Variants in CPLANE1 observed in about 807,000 individuals in gnomAD.
CPLANE1 encodes ciliogenesis and planar polarity effector complex subunit 1, also known as ciliogenesis and planar polarity effector 1.
CPLANE1 carries 263 observed loss-of-function variants against 362.5 expected under a neutral mutation model. That is an observed-to-expected ratio of 0.73 (90% confidence interval 0.66 to 0.80). The LOEUF (loss-of-function observed/expected upper bound fraction) is 0.80. CPLANE1 is among the 30% of genes least tolerant of loss of function. The pLI is 0.00. For synonymous variants in CPLANE1, 1,212 were observed against 1,302.6 expected, an observed-to-expected ratio of 0.93 and a Z score of 1.50; for missense variants, 3,461 against 3,793.4, an observed-to-expected ratio of 0.91 and a Z score of 2.30.
At chr5:37,099,696 A>G in the CPLANE1 span, among the ~76,000 whole-genome samples, 1 of 152,160 alleles carries the variant, frequency 6.6e-6, no homozygotes, top group African/African-American at 2.4e-5. Context: ...TTCTACCTCT[A>G]TCTCTTTGAG....
chr5:37,127,025 G>A (rs1297746030), intron 46 of CPLANE1, among the ~76,000 whole-genome samples: 2 of 152,076 alleles, frequency 1.3e-5, no homozygotes, highest in Non-Finnish European at 2.9e-5. Context: ...AAAACCCCAG[G>A]CACTGAATTT....
At chr5:37,175,854 T>C (rs546797267) in intron 31 of CPLANE1, 55 bp downstream of exon 31, 18 of 1,230,554 alleles carry the variant, frequency 1.5e-5, no homozygotes, top group Admixed American at 9.3e-5. Context: ...ACTTTCACTC[T>C]GTGATTTGTA....
intron 52 of CPLANE1, 37 bp downstream of exon 52, chr5:37,108,256 C>T (rs761727770): frequency 1.3e-6 from 2 of 1,559,386 alleles, no homozygotes; most frequent in Admixed American, 1.8e-5. Flanking sequence ...GAACATAGAG[C>T]AATCACTAGA....
chr5:37,107,800 T>A (rs563121957), intron 52 of CPLANE1, 22 bp from the exon 53 acceptor site: 8 of 1,574,436 alleles, frequency 5.1e-6, no homozygotes, highest in East Asian at 4.6e-5. Context: ...AAAAGACAAT[T>A]GTGGTCCTAG....
At chr5:37,091,681 T>C in the CPLANE1 span, among the ~76,000 whole-genome samples, 1 of 152,196 alleles carries the variant, frequency 6.6e-6, no homozygotes, top group Admixed American at 6.5e-5. Flanking sequence ...TGCAGTTTTA[T>C]GGAAAGATGT....
At chr5:37,212,425 T>C (rs561003453) in intron 16 of CPLANE1, 45 of 754,768 alleles carry the variant, frequency 6.0e-5, no homozygotes, top group African/African-American at 5.8e-4. Flanking sequence ...CATGAGAAAT[T>C]ACATAACATT....
intron 23 of CPLANE1, among the ~76,000 whole-genome samples, chr5:37,187,155 T>C (rs1007916444): frequency 4.0e-5 from 6 of 151,234 alleles, no homozygotes; most frequent in Non-Finnish European, 7.4e-5. Context: ...GGTTGTACCC[T>C]TTGACCAAGA....
intron 6 of CPLANE1, among the ~76,000 whole-genome samples, chr5:37,242,143 C>G (rs1157729004): frequency 6.6e-6 from 1 of 151,890 alleles, no homozygotes; most frequent in Non-Finnish European, 1.5e-5. Context: ...ATCACAAGGT[C>G]AGTAGTTCAA....
intron 34 of CPLANE1, among the ~76,000 whole-genome samples, chr5:37,168,453 G>T: frequency 6.8e-6 from 1 of 148,016 alleles, no homozygotes. Flanking sequence ...ATTTATGAAA[G>T]AGTCCAGTAA....
intron 7 of CPLANE1, 81 bp downstream of exon 7, chr5:37,239,632 G>T: frequency 2.2e-5 from 18 of 831,050 alleles, no homozygotes; most frequent in Non-Finnish European, 2.8e-5. Context: ...ATATAAAGGA[G>T]TATTTAGAAA....
chr5:37,199,333 G>A (rs1788503318), intron 19 of CPLANE1, among the ~76,000 whole-genome samples: 2 of 152,086 alleles, frequency 1.3e-5, no homozygotes, highest in African/African-American at 2.4e-5. Context: ...CCATTGGTGG[G>A]ATGTTACAGA....
At chr5:37,133,208 G>A (rs1766501136) in intron 46 of CPLANE1, among the ~76,000 whole-genome samples, 1 of 152,140 alleles carries the variant, frequency 6.6e-6, no homozygotes, top group Non-Finnish European at 1.5e-5. Context: ...GTAACATGAT[G>A]ACTCTGGCTT....
At chr5:37,101,124 G>A in the CPLANE1 span, among the ~76,000 whole-genome samples, 1 of 152,142 alleles carries the variant, frequency 6.6e-6, no homozygotes, top group Non-Finnish European at 1.5e-5. Context: ...TGATTTCCCT[G>A]GCCAGAATTT....
intron 16 of CPLANE1, chr5:37,211,263 A>T: frequency 6.7e-7 from 1 of 1,502,432 alleles, no homozygotes; most frequent in Non-Finnish European, 9.2e-7. Flanking sequence ...TACTAATGCA[A>T]GGGTCAAACA....
At position 37,106,956 on chromosome 5, in the gene CPLANE1, A is replaced by G; in HGVS notation, c.*646T>C. ...TACAAATTTAAGATGAGCCTTCTAGAGGCCGGAGTCATATTCCCTTACTTT... is the reference window on the plus strand; with the variant it reads ...TACAAATTTAAGATGAGCCTTCTAGGGGCCGGAGTCATATTCCCTTACTTT... On this transcript the variant is annotated 3_prime_UTR_variant, in exon 53 of 53. Transcript: ENST00000651892. 1 of 985,398 alleles carries G rather than the reference A, an allele frequency of 1.0e-6. No individual in the cohort carries two copies. The highest frequency in any genetic ancestry group is 1.2e-6 in the Non-Finnish European group (1 of 829,912). 61.0% of individuals were successfully genotyped at this position (985,398 alleles called of 1,614,324 possible). A position where few individuals can be genotyped will look rare whatever the true frequency, so the allele number is the denominator to read the frequency against.
the CPLANE1 span, among the ~76,000 whole-genome samples, chr5:37,090,703 A>C: frequency 7.0e-3 from 1,061 of 152,280 alleles, 9 homozygotes; most frequent in Non-Finnish European, 0.011. Context: ...CAATCACTCG[A>C]TCTGGGTTTA....
chr5:37,170,082 C>G lies in CPLANE1; in HGVS notation c.6421G>C (p.Gly2141Arg), dbSNP rs1365847311. The change falls in exon 33 of 53, where the codon GGA becomes CGA. Residue 2141 changes from glycine (G) to arginine (R), a missense_variant. Transcript: ENST00000651892. ...PRKNSPHCHE[G>R]TIPSGQNSTG... is the part of the protein sequence containing the mutation. ...CTATTTTGACCAGATGGGATAGTTC[C>G]TTCATGGCAGTGTGGGCTGTTCTTG... The G allele has an allele frequency of 6.2e-7, 1 of 1,614,148 alleles. No individual in the cohort carries two copies. The highest frequency in any genetic ancestry group is 2.2e-5 in the East Asian group (1 of 44,890).
intron 49 of CPLANE1, among the ~76,000 whole-genome samples, chr5:37,121,218 C>T (rs1762524824): frequency 6.6e-6 from 1 of 151,996 alleles, no homozygotes; most frequent in South Asian, 2.1e-4. Flanking sequence ...GGGCGGGTAG[C>T]AGAAAGGGAA....
chr5:37,123,029 T>C (rs970683310), intron 47 of CPLANE1, among the ~76,000 whole-genome samples: 1 of 152,252 alleles, frequency 6.6e-6, no homozygotes, highest in Non-Finnish European at 1.5e-5. Flanking sequence ...AGGAACATTT[T>C]AGGTGGAAGC....
Sources: gnomAD v4.1 joint callset for allele counts (sites outside exome capture counted in the v4.1 genomes callset) on GRCh38, gnomAD v4.1.1 for gene constraint, MANE v1.5 for transcripts, NCBI Gene and HGNC (gene_info 2026-07-23, HGNC 2026-07-21) for gene names.